Variants in ZNF208 observed in about 807,000 individuals in gnomAD.
ZNF208 encodes zinc finger protein 95.
ZNF208 carries 10 observed loss-of-function variants against 12.1 expected under a neutral mutation model. The observed-to-expected ratio is 0.83, with a 90% CI of 0.51 to 1.40. The LOEUF (loss-of-function observed/expected upper bound fraction) is 1.40. Ranked by LOEUF, ZNF208 falls within the 40% of genes most tolerant of loss-of-function variation. The pLI is 0.00. For synonymous variants in ZNF208, 497 were observed against 488.4 expected, an observed-to-expected ratio of 1.02 and a Z score of -0.23; for missense variants, 1,652 against 1,485.0, an observed-to-expected ratio of 1.11 and a Z score of -1.85.
At chr19:21,961,750 C>T (rs1246815894), downstream of ZNF208, among the ~76,000 whole-genome samples, 2 of 151,788 alleles carry the variant, frequency 1.3e-5, no homozygotes, top group Non-Finnish European at 2.9e-5. Flanking sequence ...GATATCTTCC[C>T]TACTTGCATG....
At chr19:21,955,954 C>G (rs926140676) in intron 4 of ZNF208, among the ~76,000 whole-genome samples, 1 of 152,190 alleles carries the variant, frequency 6.6e-6, no homozygotes, top group African/African-American at 2.4e-5. Context: ...TGGTTTCTCC[C>G]CATCTTTGGG....
At chr19:21,974,935 AATTCTTC>A in intron 3 of ZNF208, 128 bp from the exon 4 acceptor site, 1 of 1,123,108 alleles carries the variant, frequency 8.9e-7, no homozygotes, top group Non-Finnish European at 1.2e-6. Context: ...CACAGGCCCT[AATTCTTC>A]ATAGACATAT....
chr19:21,952,830 G>C (rs1193112978), intron 4 of ZNF208, among the ~76,000 whole-genome samples: 1 of 152,194 alleles, frequency 6.6e-6, no homozygotes, highest in Admixed American at 6.5e-5. Flanking sequence ...TTGCTGAGTT[G>C]ACAGAAGTAG....
At chr19:21,997,946 G>A (rs1052762707) in intron 1 of ZNF208, 1 of 151,958 alleles carries the variant, frequency 6.6e-6, no homozygotes, top group Non-Finnish European at 1.5e-5. Context: ...ATTATGTTGA[G>A]AGAAAAAAGT....
Position 21,971,348 on chromosome 19 carries a change from T to C in ZNF208, c.3686A>G (p.Glu1229Gly). The change falls in exon 4 of 4, where the codon GAA becomes GGA. Residue 1229 changes from glutamate to glycine, a missense_variant. Physicochemically the swap from Glu to Gly is moderately conservative, Grantham distance 98 (BLOSUM62 -2). Around this residue, in one of 3 missense-constraint regions of ZNF208, gnomAD observed 1,239 missense variants for 1,086.2 expected, o/e 1.14. Transcript: ENST00000397126. ...GAACGTACTAAAGGCTTTGCCACAT[T>C]CTTCACATTTGTAGGGTTTCTCTCC... ...HTGEKPYKCE[E>G]CGKAFSTFSI... 2 of 1,611,676 alleles carry C rather than the reference T, an allele frequency of 1.2e-6. No homozygotes were observed. Among genetic ancestry groups the C allele is most frequent in the Middle Eastern group, 1.7e-4 (1 of 6,060 alleles).
rs1442134378 is a variant in ZNF208 at position 21,974,712 on chromosome 19, G to A, written c.322C>T (p.His108Tyr). ...VILRRYEKCG[H>Y]ENLHLKIGYT... Reference sequence around the variant, plus strand: ...CCAATTTTTAAGTGTAAATTCTCATGTCCACATTTTTCATACCTTCTCAAT... The same window carrying A: ...CCAATTTTTAAGTGTAAATTCTCATATCCACATTTTTCATACCTTCTCAAT... Residue 108 changes from histidine to tyrosine, a missense_variant, in exon 4 of 4, where the codon CAT (histidine) becomes TAT (tyrosine). By Grantham distance (83) the His-to-Tyr change is moderately conservative. Transcript: ENST00000397126. 6.2e-7 allele frequency: 1 copy of A among 1,613,302 alleles called. No individual in the cohort carries two copies. Among genetic ancestry groups the A allele is most frequent in the Non-Finnish European group, 8.5e-7 (1 of 1,179,716 alleles).
At chr19:21,948,651 G>GA (rs760242411) in intron 4 of ZNF208, among the ~76,000 whole-genome samples, 3 of 152,118 alleles carry the variant, frequency 2.0e-5, no homozygotes, top group African/African-American at 7.2e-5. Flanking sequence ...TGAGCCCCAG[G>GA]AAAGTTCTCT....
chr19:22,002,149 T>A (rs1173522480), intron 1 of ZNF208, among the ~76,000 whole-genome samples: 2 of 152,046 alleles, frequency 1.3e-5, no homozygotes, highest in East Asian at 3.9e-4. Context: ...AATTTAACAT[T>A]TTTCATGTTA....
intron 4 of ZNF208, among the ~76,000 whole-genome samples, chr19:21,952,662 A>G (rs1284185941): frequency 1.3e-5 from 2 of 152,248 alleles, no homozygotes; most frequent in Non-Finnish European, 2.9e-5. Context: ...CCCCATCTGT[A>G]TGTCACCAAC....
intron 3 of ZNF208, among the ~76,000 whole-genome samples, chr19:21,975,886 G>C (rs1242296363): frequency 6.1e-5 from 7 of 114,880 alleles, no homozygotes; most frequent in African/African-American, 7.0e-5. Flanking sequence ...CAGCAACTCT[G>C]TCCTGCCTAA....
Position 21,970,117 on chromosome 19 carries a change from A to T in ZNF208, c.*1074T>A, listed in dbSNP as rs577890797. 2.0e-5 allele frequency among the ~76,000 whole-genome samples: 3 copies of T among 152,348 alleles called. No individual in the cohort carries two copies. The highest frequency in any genetic ancestry group is 2.0e-4 in the Admixed American group (3 of 15,302). On this transcript the variant is annotated 3_prime_UTR_variant, in exon 4 of 4. Coordinates refer to ENST00000397126, the MANE Select transcript of ZNF208 (RefSeq NM_007153.3). ...CACTTTTCTAGGATTTCTCATCTGT[A>T]CGATTTCTTTTATATTCAGAAAAGT...
chr19:21,947,258 C>T (rs1969828755), intron 4 of ZNF208, among the ~76,000 whole-genome samples: 1 of 152,132 alleles, frequency 6.6e-6, no homozygotes, highest in African/African-American at 2.4e-5. Flanking sequence ...TAAATACCCT[C>T]CTTTGCATTT....
chr19:21,984,301 T>A (rs1399934714), intron 3 of ZNF208, among the ~76,000 whole-genome samples: 1 of 152,184 alleles, frequency 6.6e-6, no homozygotes, highest in Non-Finnish European at 1.5e-5. Context: ...ATGCCTGTAA[T>A]CCCAGCACCT....
At chr19:21,965,531 A>G (rs1970148158), downstream of ZNF208, among the ~76,000 whole-genome samples, 1 of 152,102 alleles carries the variant, frequency 6.6e-6, no homozygotes, top group Non-Finnish European at 1.5e-5. Context: ...GGAAATTAAT[A>G]AAGAAAAGAA....
intron 4 of ZNF208, among the ~76,000 whole-genome samples, chr19:21,950,968 T>C (rs1014738894): frequency 6.6e-6 from 1 of 152,206 alleles, no homozygotes; most frequent in African/African-American, 2.4e-5. Context: ...AATAAGCACT[T>C]AGATAAAATG....
At position 21,974,597 on chromosome 19, in the gene ZNF208, T is replaced by C. The variant is rs753484585; in HGVS notation, c.437A>G (p.Gln146Arg). 8.1e-6 allele frequency: 13 copies of C among 1,613,612 alleles called. No individual in the cohort carries two copies. The highest frequency in any genetic ancestry group is 1.3e-5 in the African/African-American group (1 of 74,916). The change falls in exon 4 of 4, where the codon CAA (glutamine) becomes CGA (arginine). Residue 146 changes from glutamine to arginine, a missense_variant. Gln to Arg is a conservative substitution (Grantham distance 43, BLOSUM62 1). Around this residue, in one of 3 missense-constraint regions of ZNF208, gnomAD observed 410 missense variants for 378.2 expected, o/e 1.08. Transcript: ENST00000397126. The part of the protein sequence containing the change: ...SLTTTQSKVF[Q>R]RGKYANVFHK... Reference sequence around the variant, plus strand: ...AAAGACATTTGCATATTTGCCACGTTGAAATACTTTGCTCTGTGTAGTTGT... The same window carrying C: ...AAAGACATTTGCATATTTGCCACGTCGAAATACTTTGCTCTGTGTAGTTGT...
intron 1 of ZNF208, among the ~76,000 whole-genome samples, chr19:22,008,539 C>G (rs1971089874): frequency 7.1e-6 from 1 of 140,862 alleles, no homozygotes; most frequent in African/African-American, 2.8e-5. Context: ...CTTGCACCAT[C>G]TCACTGGGGT....
intron 4 of ZNF208, among the ~76,000 whole-genome samples, chr19:21,951,943 C>A (rs1232282730): frequency 6.6e-6 from 1 of 152,198 alleles, no homozygotes; most frequent in African/African-American, 2.4e-5. Context: ...ATATTCCCAC[C>A]CAAATGCTGT....
intron 4 of ZNF208, among the ~76,000 whole-genome samples, chr19:21,956,874 C>T (rs111599494): frequency 0.034 from 5,171 of 152,218 alleles, 300 homozygotes; most frequent in African/African-American, 0.12. Flanking sequence ...GAACCCAGTA[C>T]CTCAGTTGAA....
Sources: gnomAD v4.1 joint callset for allele counts (sites outside exome capture counted in the v4.1 genomes callset) on GRCh38, gnomAD v4.1.1 for gene constraint, gnomAD v4.1.1 regional missense constraint, MANE v1.5 for transcripts, NCBI Gene and HGNC (gene_info 2026-07-23, HGNC 2026-07-21) for gene names.